Variants in ADAMTSL1 observed in about 807,000 individuals in gnomAD.
ADAMTSL1 encodes ADAMTS-like protein 1.
In ADAMTSL1, 126 loss-of-function variants were observed where a neutral mutation model predicts 201.8. The ratio of observed to expected loss-of-function variants is 0.62; its 90% CI spans 0.54 to 0.72. The LOEUF (loss-of-function observed/expected upper bound fraction) is 0.72, where lower values mean the gene tolerates loss of function less well. Among genes scored for constraint, ADAMTSL1 ranks in the 30% least tolerant of loss-of-function variants. ADAMTSL1 has a pLI of 0.00. For missense variants in ADAMTSL1, 2,679 were observed against 2,277.8 expected, an observed-to-expected ratio of 1.18 and a Z score of -3.59; for synonymous variants, 1,121 against 903.4, an observed-to-expected ratio of 1.24 and a Z score of -4.32.
intron 2 of ADAMTSL1, among the ~76,000 whole-genome samples, chr9:18,424,252 A>C (rs1473635217): frequency 6.6e-6 from 1 of 152,224 alleles, no homozygotes; most frequent in African/African-American, 2.4e-5. Flanking sequence ...AGTACAAGCA[A>C]GTGGGGCTGA....
At chr9:18,596,216 G>A in intron 4 of ADAMTSL1, among the ~76,000 whole-genome samples, 1 of 152,220 alleles carries the variant, frequency 6.6e-6, no homozygotes, top group East Asian at 1.9e-4. Flanking sequence ...ATGGGGACAT[G>A]AACGTAAGTG....
intron 2 of ADAMTSL1, among the ~76,000 whole-genome samples, chr9:18,458,070 T>C (rs1340043): frequency 0.68 from 103,071 of 152,038 alleles, 35,000 homozygotes; most frequent in Middle Eastern, 0.7. Context: ...AAGAAAGAAA[T>C]CTTTCCATTC....
chr9:18,738,055 G>T, intron 15 of ADAMTSL1, among the ~76,000 whole-genome samples: 1 of 152,132 alleles, frequency 6.6e-6, no homozygotes, highest in East Asian at 1.9e-4. Flanking sequence ...TATATGTTAA[G>T]CATTCATGTG....
At chr9:18,371,243 T>G (rs1837029511) in intron 2 of ADAMTSL1, among the ~76,000 whole-genome samples, 1 of 152,216 alleles carries the variant, frequency 6.6e-6, no homozygotes, top group South Asian at 2.1e-4. Flanking sequence ...TTTAAAGATC[T>G]TGAATCAAGT....
At chr9:18,663,794 A>G (rs573898759) in intron 9 of ADAMTSL1, among the ~76,000 whole-genome samples, 19 of 152,262 alleles carry the variant, frequency 1.2e-4, no homozygotes, top group African/African-American at 4.3e-4. Context: ...TAACAATTTG[A>G]AAGAAATGTT....
intron 2 of ADAMTSL1, among the ~76,000 whole-genome samples, chr9:18,281,911 T>C (rs1467874922): frequency 6.6e-6 from 1 of 152,192 alleles, no homozygotes; most frequent in Non-Finnish European, 1.5e-5. Context: ...TTTTAGTCAA[T>C]TCAATGTATT....
chr9:18,892,646 A>C (rs764839416), intron 26 of ADAMTSL1, 50 bp downstream of exon 26: 4 of 1,526,992 alleles, frequency 2.6e-6, no homozygotes. Context: ...AAAGGAATGG[A>C]CCCTGCCACA....
At chr9:18,717,230 TATAATAATA>T (rs71494984) in intron 14 of ADAMTSL1, among the ~76,000 whole-genome samples, 6 of 144,444 alleles carry the variant, frequency 4.2e-5, no homozygotes, top group South Asian at 2.1e-4. Flanking sequence ...AAACTTAAAG[TATAATAATA>T]ATAATAATAA....
In ADAMTSL1 at chr9:18,504,886, C is replaced by A; in HGVS notation, c.121C>A (p.Pro41Thr). The A allele has an allele frequency of 3.1e-6, 5 of 1,613,412 alleles. No homozygotes were observed. The highest frequency in any genetic ancestry group is 4.2e-6 in the Non-Finnish European group (5 of 1,179,820). ...GGACGGCCTATGGGATGCCTGGGGC[C>A]CATGGAGTGAATGCTCACGCACCTG... ...DRDGLWDAWG[P>T]WSECSRTCGG... Residue 41 changes from proline (P) to threonine (T), a missense_variant, in exon 2 of 29, where the codon CCA (proline) becomes ACA (threonine). By Grantham distance (38) the Pro-to-Thr change is conservative (BLOSUM62 -1). Transcript: ENST00000380548.
rs1429165268 is a variant in ADAMTSL1, at chr9:18,889,604, C to T, written c.4499C>T (p.Ser1500Leu). Reference protein sequence around the residue: ...WWSVDRLATCSASCGNRGVQQ... With the variant: ...WWSVDRLATCLASCGNRGVQQ... ...TCTGTGGACAGACTGGCAACCTGCT[C>T]AGCCTCCTGTGGTAACCGGGGGGTT... Residue 1500 changes from serine (S) to leucine (L), a missense_variant, in exon 25 of 29, where the codon TCA becomes TTA. By Grantham distance (145) the Ser-to-Leu change is moderately radical. Transcript: ENST00000380548. 2 of 1,613,874 alleles carry T rather than the reference C, an allele frequency of 1.2e-6. No homozygotes were observed. Among genetic ancestry groups the T allele is most frequent in the South Asian group, 1.1e-5 (1 of 91,040 alleles).
chr9:18,487,387 A>T (rs1822052903), intron 1 of ADAMTSL1, among the ~76,000 whole-genome samples: 1 of 152,186 alleles, frequency 6.6e-6, no homozygotes, highest in African/African-American at 2.4e-5. Context: ...CATAAAGTAG[A>T]TATGCTTTGG....
chr9:18,630,329 C>T (rs529430964), intron 5 of ADAMTSL1, among the ~76,000 whole-genome samples: 20 of 152,322 alleles, frequency 1.3e-4, no homozygotes, highest in South Asian at 4.1e-4. Flanking sequence ...GTACTCTTCT[C>T]TATAATTCTT....
At chr9:18,607,875 G>A (rs1825128398) in intron 4 of ADAMTSL1, among the ~76,000 whole-genome samples, 1 of 152,074 alleles carries the variant, frequency 6.6e-6, no homozygotes, top group South Asian at 2.1e-4. Context: ...TTGGTTTCCA[G>A]CTTCATCCAT....
chr9:18,266,968 C>T (rs970384153), intron 2 of ADAMTSL1, among the ~76,000 whole-genome samples: 4 of 152,142 alleles, frequency 2.6e-5, no homozygotes, highest in East Asian at 3.9e-4. Context: ...CACCTGAAGA[C>T]GACGTACACA....
chr9:18,875,651 C>T (rs1392079363), intron 23 of ADAMTSL1, among the ~76,000 whole-genome samples: 1 of 152,070 alleles, frequency 6.6e-6, no homozygotes, highest in Non-Finnish European at 1.5e-5. Flanking sequence ...TTTACTGAGA[C>T]TTGTTTCATG....
intron 2 of ADAMTSL1, among the ~76,000 whole-genome samples, chr9:18,352,412 C>A (rs1836013275): frequency 6.6e-6 from 1 of 152,198 alleles, no homozygotes. Flanking sequence ...AGATCAGTAT[C>A]CTGAGAACAT....
intron 2 of ADAMTSL1, among the ~76,000 whole-genome samples, chr9:18,265,956 T>A (rs1271541324): frequency 6.6e-6 from 1 of 152,200 alleles, no homozygotes; most frequent in Non-Finnish European, 1.5e-5. Flanking sequence ...ACATTTACTA[T>A]TTTTTGAGTG....
At chr9:18,038,181 C>T (rs1275232182) in intron 1 of ADAMTSL1, among the ~76,000 whole-genome samples, 2 of 152,098 alleles carry the variant, frequency 1.3e-5, no homozygotes, top group African/African-American at 4.8e-5. Context: ...ATCAGGTAGA[C>T]CATCTGCTCA....
chr9:18,431,446 T>C (rs1297102550), intron 2 of ADAMTSL1, among the ~76,000 whole-genome samples: 1 of 152,182 alleles, frequency 6.6e-6, no homozygotes, highest in African/African-American at 2.4e-5. Context: ...TCCTTTGAAA[T>C]GTTTAAAGAC....
Sources: gnomAD v4.1 joint callset for allele counts (sites outside exome capture counted in the v4.1 genomes callset) on GRCh38, gnomAD v4.1.1 for gene constraint, MANE v1.5 for transcripts, NCBI Gene and HGNC (gene_info 2026-07-23, HGNC 2026-07-21) for gene names.